Variants in GNPTAB observed in about 807,000 individuals in gnomAD.
The protein encoded by GNPTAB is N-acetylglucosamine-1-phosphotransferase subunits alpha/beta.
GNPTAB carries 92 observed loss-of-function variants against 136.6 expected under a neutral mutation model. That is an observed-to-expected ratio of 0.67 (90% CI 0.57 to 0.80). The LOEUF is 0.80. Among genes scored for constraint, GNPTAB ranks in the 30% least tolerant of loss-of-function variants. The pLI is 0.00. For missense variants in GNPTAB, 1,343 were observed against 1,501.8 expected (o/e 0.89, Z 1.75); for synonymous variants, 512 against 535.1 (o/e 0.96, Z 0.60).
intron 11 of GNPTAB, 159 bp downstream of exon 11, chr12:101,767,878 A>G (rs1181510472): frequency 2.3e-6 from 2 of 857,516 alleles, no homozygotes; most frequent in Non-Finnish European, 3.8e-6. Context: ...TCAGCTTTGC[A>G]AAGCACTGGA....
chr12:101,822,387 C>T (rs528612540), intron 1 of GNPTAB, among the ~76,000 whole-genome samples: 62 of 152,276 alleles, frequency 4.1e-4, no homozygotes, highest in African/African-American at 1.4e-3. Context: ...GCACTCCAAC[C>T]TGGGCGACAG....
At chr12:101,823,582 C>A (rs1870923979) in intron 1 of GNPTAB, among the ~76,000 whole-genome samples, 1 of 138,788 alleles carries the variant, frequency 7.2e-6, no homozygotes, top group African/African-American at 2.7e-5. Flanking sequence ...TGCACTCCAG[C>A]CTGGGAGACA....
intron 7 of GNPTAB, among the ~76,000 whole-genome samples, chr12:101,774,392 T>G (rs1020579773): frequency 5.9e-5 from 9 of 152,184 alleles, no homozygotes; most frequent in African/African-American, 2.2e-4. Flanking sequence ...GGAGACCAAT[T>G]TCAATGGCAT....
At chr12:101,752,503 C>T (rs912552649) in intron 19 of GNPTAB, among the ~76,000 whole-genome samples, 3 of 152,212 alleles carry the variant, frequency 2.0e-5, no homozygotes, top group Non-Finnish European at 4.4e-5. Flanking sequence ...TAAAGGCTAA[C>T]CAGATAGTCT....
intron 7 of GNPTAB, among the ~76,000 whole-genome samples, chr12:101,771,889 T>C (rs530944519): frequency 3.3e-5 from 5 of 152,352 alleles, no homozygotes; most frequent in Non-Finnish European, 5.9e-5. Flanking sequence ...TCTGCTTATA[T>C]TGGGCAAAAA....
At chr12:101,778,003 T>A (rs916251025) in intron 7 of GNPTAB, among the ~76,000 whole-genome samples, 1 of 152,210 alleles carries the variant, frequency 6.6e-6, no homozygotes, top group South Asian at 2.1e-4. Flanking sequence ...AATCTCTGAC[T>A]GGGAGACTGA....
chr12:101,795,667 C>T (rs959908130), intron 2 of GNPTAB, among the ~76,000 whole-genome samples: 5 of 151,762 alleles, frequency 3.3e-5, no homozygotes, highest in Non-Finnish European at 7.4e-5. Flanking sequence ...GCAGGAGAAT[C>T]GCTTGAATCC....
Position 101,747,182 on chromosome 12 carries a change from G to A in GNPTAB, c.3753C>T (p.Pro1251=), listed in dbSNP as rs1050927605. 5 of 1,584,258 alleles carry A rather than the reference G, an allele frequency of 3.2e-6. No individual in the cohort carries two copies. Among genetic ancestry groups the A allele is most frequent in the Non-Finnish European group, 3.5e-6 (4 of 1,152,864 alleles). The change falls in exon 21 of 21, where the codon CCC becomes CCT. Residue 1251 remains proline, a synonymous_variant. Transcript: ENST00000299314. ...AGATCTTCTATACTCTGATTCGATT[G>A]GGACTAGCTTCTTTGTGTATCCTCC... ...PRRRIHKEAS[P]NRIRV is the part of the protein sequence containing the mutation.
rs771128294 is a variant in GNPTAB at position 101,764,267 on chromosome 12, A to G, written c.2650T>C (p.Tyr884His). The G allele has an allele frequency of 1.2e-6, 2 of 1,613,956 alleles. No homozygotes were observed. Among genetic ancestry groups the G allele is most frequent in the African/African-American group, 2.7e-5 (2 of 74,916 alleles). ...EVLLGRKLQH[Y>H]TDSYLGFLPW... ...AAAAAGCCCAAGTAACTATCTGTGTAATGCTGCAGCTTTCTTCCAAGTAAC... is the reference window on the plus strand; with the variant it reads ...AAAAAGCCCAAGTAACTATCTGTGTGATGCTGCAGCTTTCTTCCAAGTAAC... Residue 884 changes from tyrosine to histidine, a missense_variant, in exon 13 of 21, where the codon TAC (tyrosine) becomes CAC (histidine). Physicochemically the swap from Tyr to His is moderately conservative, Grantham distance 83. Transcript: ENST00000299314.
intron 1 of GNPTAB, among the ~76,000 whole-genome samples, chr12:101,814,989 G>A (rs1397873806): frequency 6.6e-6 from 1 of 152,154 alleles, no homozygotes; most frequent in Non-Finnish European, 1.5e-5. Context: ...TTGAACTTAA[G>A]GATAACTGAA....
intron 2 of GNPTAB, among the ~76,000 whole-genome samples, chr12:101,792,806 G>A (rs1386660326): frequency 6.6e-6 from 1 of 152,098 alleles, no homozygotes; most frequent in Admixed American, 6.5e-5. Flanking sequence ...CATGCATTCT[G>A]TGCCCTGCTT....
At chr12:101,813,841 G>A (rs557648330) in intron 1 of GNPTAB, among the ~76,000 whole-genome samples, 2 of 152,258 alleles carry the variant, frequency 1.3e-5, no homozygotes, top group East Asian at 3.9e-4. Flanking sequence ...AGCACTTTGG[G>A]AGGTTGAGAC....
chr12:101,756,950 CA>C (rs1566068893), intron 18 of GNPTAB: 3 of 358,040 alleles, frequency 8.4e-6, no homozygotes. Flanking sequence ...CTCACCTCCC[CA>C]CAATGCGATC....
intron 18 of GNPTAB, 102 bp downstream of exon 18, chr12:101,757,110 G>T: frequency 1.4e-6 from 1 of 693,092 alleles, no homozygotes; most frequent in South Asian, 1.7e-5. Context: ...GCACTGTTAG[G>T]CCTTTTGGTC....
At chr12:101,791,036 A>G (rs889709188) in intron 2 of GNPTAB, among the ~76,000 whole-genome samples, 4 of 152,184 alleles carry the variant, frequency 2.6e-5, no homozygotes, top group Admixed American at 6.5e-5. Context: ...GTGCAATGAG[A>G]AGAGTGCCTG....
At chr12:101,760,802 CAG>C (rs1191763937) in intron 15 of GNPTAB, among the ~76,000 whole-genome samples, 2 of 139,632 alleles carry the variant, frequency 1.4e-5, no homozygotes, top group Admixed American at 1.5e-4. Context: ...TTTTTTGAGA[CAG>C]AGTCTCACTC....
rs11111036 is a variant in GNPTAB at position 101,805,934 on chromosome 12, G to A, written c.118-9172C>T. ...ATCTAATGTTTAGATCATTAAACAT[G>A]ATTTAAAAATTAAACAGGAAATTGA... On this transcript the variant is annotated intron_variant, in intron 1 of 20. Coordinates refer to ENST00000299314, the MANE Select transcript of GNPTAB (RefSeq NM_024312.5). 4.7e-3 allele frequency among the ~76,000 whole-genome samples: 714 copies of A among 152,166 alleles called. 2 individuals are homozygous for A. The highest frequency in any genetic ancestry group is 0.017 in the African/African-American group (698 of 41,504).
intron 1 of GNPTAB, among the ~76,000 whole-genome samples, chr12:101,826,552 T>C (rs1871093028): frequency 6.6e-6 from 1 of 152,204 alleles, no homozygotes; most frequent in South Asian, 2.1e-4. Context: ...AGAGATCTTT[T>C]TGTACCTTAT....
chr12:101,797,649 A>G (rs1869377826), intron 1 of GNPTAB, among the ~76,000 whole-genome samples: 1 of 152,086 alleles, frequency 6.6e-6, no homozygotes. Flanking sequence ...CAAGAAACAT[A>G]AGGGACTGAC....
Sources: allele counts gnomAD v4.1 joint callset (sites outside exome capture counted in the v4.1 genomes callset), GRCh38; gene constraint gnomAD v4.1.1; transcripts MANE v1.5; gene names NCBI Gene and HGNC (gene_info 2026-07-23, HGNC 2026-07-21).